The following ADAMTSL1 variants were observed in gnomAD, a reference collection of about 807,000 sequenced individuals.
ADAMTSL1 encodes the protein ADAMTS like 1, also known as ADAMTS-like protein 1.
Under a neutral mutation model 201.8 loss-of-function variants are expected in ADAMTSL1, and 126 were observed. The observed-to-expected ratio is 0.62, with a 90% CI of 0.54 to 0.72. The LOEUF (loss-of-function observed/expected upper bound fraction) is 0.72, where lower values mean the gene tolerates loss of function less well. Ranked by LOEUF, ADAMTSL1 falls within the 30% of genes least tolerant of loss-of-function variation. The pLI, the probability that ADAMTSL1 is intolerant of heterozygous loss-of-function variation, is 0.00. For missense variants in ADAMTSL1, 2,679 were observed against 2,277.8 expected, an observed-to-expected ratio of 1.18 and a Z score of -3.59; for synonymous variants, 1,121 against 903.4, an observed-to-expected ratio of 1.24 and a Z score of -4.32.
intron 23 of ADAMTSL1, among the ~76,000 whole-genome samples, chr9:18,837,093 AT>A (rs1825357325): frequency 6.6e-6 from 1 of 152,010 alleles, no homozygotes; most frequent in African/African-American, 2.4e-5. Flanking sequence ...GATGCCTTTT[AT>A]TTCTTTCTCT....
At chr9:18,046,558 GT>G (rs1244395165) in intron 1 of ADAMTSL1, among the ~76,000 whole-genome samples, 5 of 152,104 alleles carry the variant, frequency 3.3e-5, no homozygotes, top group African/African-American at 1.2e-4. Context: ...GTGACCATGT[GT>G]CCAGCTAAAA....
At chr9:18,867,080 A>C (rs367788984) in intron 23 of ADAMTSL1, among the ~76,000 whole-genome samples, 1 of 152,222 alleles carries the variant, frequency 6.6e-6, no homozygotes, top group African/African-American at 2.4e-5. Flanking sequence ...AAAAATCTCT[A>C]TTCCAAGAAA....
intron 2 of ADAMTSL1, among the ~76,000 whole-genome samples, chr9:18,374,923 G>C (rs1027891050): frequency 6.6e-6 from 1 of 152,216 alleles, no homozygotes; most frequent in African/African-American, 2.4e-5. Context: ...GCTGACAATG[G>C]TTAATAATAG....
At chr9:18,180,110 T>C (rs755480408) in intron 2 of ADAMTSL1, among the ~76,000 whole-genome samples, 4,996 of 152,256 alleles carry the variant, frequency 0.033, 116 homozygotes, top group Non-Finnish European at 0.054. Flanking sequence ...GACCCATCAC[T>C]GTGCTGTATT....
chr9:18,887,788 CT>C, intron 23 of ADAMTSL1, 42 bp from the exon 24 acceptor site: 1 of 1,552,856 alleles, frequency 6.4e-7, no homozygotes. Context: ...CAATGTGTTC[CT>C]TATGGCTTTA....
chr9:18,029,026 G>A (rs1346872774), intron 1 of ADAMTSL1, among the ~76,000 whole-genome samples: 1 of 152,094 alleles, frequency 6.6e-6, no homozygotes, highest in Admixed American at 6.5e-5. Flanking sequence ...TGAAGCAATT[G>A]TGAATGGGAG....
At chr9:17,925,783 C>T (rs1826500273) in intron 1 of ADAMTSL1, among the ~76,000 whole-genome samples, 1 of 149,064 alleles carries the variant, frequency 6.7e-6, no homozygotes, top group Non-Finnish European at 1.5e-5. Flanking sequence ...TGCAGCGCAC[C>T]AGCATGGCGC....
At chr9:18,552,721 T>C (rs1689642591) in intron 3 of ADAMTSL1, among the ~76,000 whole-genome samples, 2 of 151,712 alleles carry the variant, frequency 1.3e-5, no homozygotes, top group South Asian at 4.1e-4. Context: ...TAGATATACA[T>C]TTAAAATTGT....
chr9:18,110,291 C>T (rs2131878877), intron 1 of ADAMTSL1, among the ~76,000 whole-genome samples: 1 of 152,268 alleles, frequency 6.6e-6, no homozygotes, highest in East Asian at 1.9e-4. Flanking sequence ...CTTCCATGAT[C>T]ATTCAGTCCT....
At position 18,486,174 on chromosome 9, in the gene ADAMTSL1, T is replaced by C. The variant is rs187470249; in HGVS notation, c.63+11879T>C. ...GAAAGTGTGAAAGAGTTAGTAATTT[T>C]ATTCAAGGCCTCCCAGTTAAAATTT... is the stretch of plus-strand genomic sequence containing the variant. On this transcript the variant is annotated intron_variant, in intron 1 of 28. Coordinates refer to ENST00000380548, the MANE Select transcript of ADAMTSL1 (RefSeq NM_001040272.6). 5.6e-3 allele frequency among the ~76,000 whole-genome samples: 858 copies of C among 152,320 alleles called. 8 individuals are homozygous for C. Among genetic ancestry groups the C allele is most frequent in the African/African-American group, 0.019 (806 of 41,572 alleles).
intron 4 of ADAMTSL1, among the ~76,000 whole-genome samples, chr9:18,574,957 T>G (rs1432695721): frequency 6.6e-6 from 1 of 152,146 alleles, no homozygotes; most frequent in Non-Finnish European, 1.5e-5. Context: ...GGATTAGGAT[T>G]ACCAGTCTAG....
intron 26 of ADAMTSL1, among the ~76,000 whole-genome samples, chr9:18,900,084 T>G (rs1307957323): frequency 4.6e-5 from 7 of 151,882 alleles, no homozygotes. Flanking sequence ...TTAAAAAAAT[T>G]TACAAGAAAA....
At chr9:18,249,551 T>C (rs1831386585) in intron 2 of ADAMTSL1, among the ~76,000 whole-genome samples, 1 of 152,176 alleles carries the variant, frequency 6.6e-6, no homozygotes, top group South Asian at 2.1e-4. Flanking sequence ...GTTCTTTTTT[T>C]AGTAGATCAA....
At chr9:18,741,451 C>T (rs1818818769) in intron 15 of ADAMTSL1, among the ~76,000 whole-genome samples, 1 of 152,170 alleles carries the variant, frequency 6.6e-6, no homozygotes, top group African/African-American at 2.4e-5. Flanking sequence ...GACTGGCCTT[C>T]CCAGGCATTT....
intron 7 of ADAMTSL1, among the ~76,000 whole-genome samples, chr9:18,652,519 C>T (rs77058979): frequency 8.1e-4 from 124 of 152,214 alleles, no homozygotes; most frequent in African/African-American, 2.9e-3. Flanking sequence ...AATATGCATT[C>T]AGTAGAAAAT....
At chr9:18,820,662 T>G (rs933870355) in intron 21 of ADAMTSL1, among the ~76,000 whole-genome samples, 18 of 152,218 alleles carry the variant, frequency 1.2e-4, no homozygotes, top group African/African-American at 4.3e-4. Flanking sequence ...AGTTTTTCAT[T>G]AAACAACTTT....
chr9:18,720,675 C>A (rs574403867), intron 14 of ADAMTSL1, among the ~76,000 whole-genome samples: 1 of 152,178 alleles, frequency 6.6e-6, no homozygotes, highest in South Asian at 2.1e-4. Context: ...CCCAGCTACT[C>A]GGGAGGCTGA....
intron 21 of ADAMTSL1, among the ~76,000 whole-genome samples, chr9:18,819,556 G>T (rs746562191): frequency 6.6e-6 from 1 of 151,974 alleles, no homozygotes; most frequent in Non-Finnish European, 1.5e-5. Flanking sequence ...AAGTATTTAC[G>T]TTGGGGAGCC....
At chr9:18,051,546 CTTT>C (rs200097532) in intron 1 of ADAMTSL1, among the ~76,000 whole-genome samples, 2 of 140,800 alleles carry the variant, frequency 1.4e-5, no homozygotes, top group Non-Finnish European at 1.6e-5. Flanking sequence ...CTTTTTAAAA[CTTT>C]TTTTTTTTTT....
Sources: gnomAD v4.1 joint callset for allele counts (sites outside exome capture counted in the v4.1 genomes callset) on GRCh38, gnomAD v4.1.1 for gene constraint, MANE v1.5 for transcripts, NCBI Gene and HGNC (gene_info 2026-07-23, HGNC 2026-07-21) for gene names.